Variants in ANO4 observed in about 807,000 individuals in gnomAD.
ANO4 encodes the protein anoctamin 4.
In ANO4, 69 loss-of-function variants were observed where a neutral mutation model predicts 141.9. The observed-to-expected ratio is 0.49, with a 90% CI of 0.40 to 0.59. The LOEUF (loss-of-function observed/expected upper bound fraction) is 0.59, where lower values mean the gene tolerates loss of function less well. ANO4 is among the 20% of genes least tolerant of loss of function. The pLI, the probability that ANO4 is intolerant of heterozygous loss-of-function variation, is 0.00. For synonymous variants in ANO4, 350 were observed against 394.3 expected, an observed-to-expected ratio of 0.89 and a Z score of 1.33; for missense variants, 894 against 1,162.2, an observed-to-expected ratio of 0.77 and a Z score of 3.36.
At chr12:101,127,144 C>T in intron 27 of ANO4, 70 bp downstream of exon 27, 13 of 1,391,518 alleles carry the variant, frequency 9.3e-6, no homozygotes, top group Non-Finnish European at 1.3e-5. Context: ...CTCCCTGAAG[C>T]AAAGCTTACC....
At chr12:100,927,366 A>G (rs567609888) in intron 3 of ANO4, among the ~76,000 whole-genome samples, 2 of 152,268 alleles carry the variant, frequency 1.3e-5, no homozygotes, top group South Asian at 2.1e-4. Flanking sequence ...GTAAGATTCA[A>G]ACCCTCCATC....
At chr12:100,835,404 G>A (rs1040774084) in intron 1 of ANO4, among the ~76,000 whole-genome samples, 1 of 152,112 alleles carries the variant, frequency 6.6e-6, no homozygotes, top group African/African-American at 2.4e-5. Context: ...AAGGAAAATA[G>A]GAAAGCCACA....
intron 1 of ANO4, among the ~76,000 whole-genome samples, chr12:100,848,105 T>C (rs1593507614): frequency 6.6e-6 from 1 of 152,256 alleles, no homozygotes; most frequent in East Asian, 1.9e-4. Flanking sequence ...TTTGTACCTA[T>C]GTCAACTGAG....
chr12:100,746,917 G>A (rs2032138443), intron 3 of ANO4, among the ~76,000 whole-genome samples: 1 of 151,948 alleles, frequency 6.6e-6, no homozygotes, highest in South Asian at 2.1e-4. Flanking sequence ...TCCCTAAATT[G>A]TATCTCATGC....
At position 101,007,920 on chromosome 12, in the gene ANO4, A is replaced by G. The variant is rs564176588; in HGVS notation, c.735-12114A>G. 1.5e-3 allele frequency among the ~76,000 whole-genome samples: 225 copies of G among 152,246 alleles called. 1 individual carries two copies. Among genetic ancestry groups the G allele is most frequent in the African/African-American group, 5.1e-3 (212 of 41,552 alleles). ...AAAAAAAATATTGCGAGCTGCCCAC[A>G]TGTTTACAATATCTTGGGCTCACAA... is the stretch of plus-strand genomic sequence containing the variant. On this transcript the variant is annotated intron_variant, in intron 8 of 27. Transcript: ENST00000392977.
intron 22 of ANO4, among the ~76,000 whole-genome samples, chr12:101,102,488 G>A (rs545976220): frequency 6.6e-6 from 1 of 152,170 alleles, no homozygotes; most frequent in Admixed American, 6.5e-5. Context: ...CTTTTCATAT[G>A]CTTATAGTTA....
At chr12:100,851,253 A>T (rs777791397) in intron 1 of ANO4, among the ~76,000 whole-genome samples, 63 of 152,150 alleles carry the variant, frequency 4.1e-4, no homozygotes, top group Non-Finnish European at 8.7e-4. Flanking sequence ...ATGCACAATT[A>T]TATCTTCTTG....
intron 1 of ANO4, among the ~76,000 whole-genome samples, chr12:100,820,187 G>A (rs867927692): frequency 6.6e-5 from 10 of 151,582 alleles, no homozygotes; most frequent in African/African-American, 2.4e-4. Flanking sequence ...CAGAAGGGGG[G>A]GCCCTCCCAC....
At chr12:100,926,602 TTGTGTGTG>T (rs3059281) in intron 3 of ANO4, among the ~76,000 whole-genome samples, 5 of 147,404 alleles carry the variant, frequency 3.4e-5, no homozygotes, top group Admixed American at 6.8e-5. Flanking sequence ...AAGGGTGTGT[TTGTGTGTG>T]TGTGTGTGTG....
chr12:100,819,006 T>C (rs2035881202), intron 1 of ANO4, among the ~76,000 whole-genome samples: 1 of 144,894 alleles, frequency 6.9e-6, no homozygotes. Context: ...GCTGATCATA[T>C]ATATATGTGT....
At chr12:100,769,099 A>G (rs1467240006) in intron 3 of ANO4, among the ~76,000 whole-genome samples, 1 of 152,226 alleles carries the variant, frequency 6.6e-6, no homozygotes, top group East Asian at 1.9e-4. Context: ...AAAAAAACCT[A>G]TTCACACAAT....
At chr12:100,871,714 G>A (rs539654280) in intron 1 of ANO4, among the ~76,000 whole-genome samples, 1 of 152,292 alleles carries the variant, frequency 6.6e-6, no homozygotes, top group East Asian at 1.9e-4. Context: ...CAGCTTCCTG[G>A]TTCATACATA....
chr12:100,959,858 G>T (rs1023125750), intron 5 of ANO4, among the ~76,000 whole-genome samples: 1 of 151,962 alleles, frequency 6.6e-6, no homozygotes, highest in African/African-American at 2.4e-5. Flanking sequence ...TGTGACTTTT[G>T]TCCAGTTCCA....
chr12:100,884,276 T>G (rs1210193993), intron 1 of ANO4, among the ~76,000 whole-genome samples: 1 of 152,240 alleles, frequency 6.6e-6, no homozygotes, highest in Non-Finnish European at 1.5e-5. Context: ...TGATAAATTT[T>G]TAGGCTTCTC....
intron 2 of ANO4, among the ~76,000 whole-genome samples, chr12:100,907,136 C>T (rs971172550): frequency 3.9e-5 from 6 of 152,202 alleles, no homozygotes; most frequent in Non-Finnish European, 8.8e-5. Context: ...GAAAGTGCAG[C>T]CTTGTGAGCC....
rs761576808 is a variant in ANO4 at position 101,019,985 on chromosome 12, C to T, written c.735-49C>T. On this transcript the variant is annotated intron_variant, in intron 8 of 27. Transcript: ENST00000392977. ...ACCAAATTATAACAAAAATTAGATC[C>T]TTCACCTCCGATTAATTCTCAACTT... 8 of 1,469,164 alleles carry T rather than the reference C, an allele frequency of 5.4e-6. No homozygotes were observed. The African/African-American group carries it at 7.0e-5, about 13-fold the overall frequency. The allele number at this position is 1,469,164 out of a possible 1,614,324, so 91.0% of individuals were successfully genotyped here.
At chr12:100,932,461 C>T (rs1458110454) in intron 3 of ANO4, among the ~76,000 whole-genome samples, 1 of 151,862 alleles carries the variant, frequency 6.6e-6, no homozygotes, top group African/African-American at 2.4e-5. Flanking sequence ...CAGCACTTAA[C>T]TCTAAATCTT....
rs573686092 is a variant in ANO4, at chr12:100,982,012, G to A, written c.603-5527G>A. Reference sequence around the variant, plus strand: ...TGTACCCATTTGCTTATACTGTATTGTCAGCTCTTCCCAGGTACCCGGAAT... The same window carrying A: ...TGTACCCATTTGCTTATACTGTATTATCAGCTCTTCCCAGGTACCCGGAAT... On this transcript the variant is annotated intron_variant, in intron 7 of 27. Coordinates refer to ENST00000392977, the MANE Select transcript of ANO4 (RefSeq NM_001286615.2). Among the ~76,000 whole-genome samples, 5 of 152,252 alleles carry A rather than the reference G, an allele frequency of 3.3e-5. No homozygotes were observed. The East Asian group carries it at 9.6e-4, about 29-fold the overall frequency.
chr12:100,866,424 G>T (rs1485010998), intron 1 of ANO4, among the ~76,000 whole-genome samples: 1 of 152,104 alleles, frequency 6.6e-6, no homozygotes. Flanking sequence ...GGATGGCGGT[G>T]ACCCAAACCT....
Sources: gnomAD v4.1 joint callset for allele counts (sites outside exome capture counted in the v4.1 genomes callset) on GRCh38, gnomAD v4.1.1 for gene constraint, MANE v1.5 for transcripts, NCBI Gene and HGNC (gene_info 2026-07-23, HGNC 2026-07-21) for gene names.